The following CHD9 variants were observed in gnomAD, a reference collection of about 807,000 sequenced individuals.
The protein encoded by CHD9 is ATP-dependent chromatin remodeler CHD9.
In CHD9, 77 loss-of-function variants were observed where a neutral mutation model predicts 316.1. The observed-to-expected ratio is 0.24, with a 90% CI of 0.20 to 0.29. CHD9 has a LOEUF of 0.29. Ranked by LOEUF, CHD9 falls within the 10% of genes least tolerant of loss-of-function variation. The pLI, the probability that CHD9 is intolerant of heterozygous loss-of-function variation, is 1.00. For synonymous variants in CHD9, 1,129 were observed against 1,158.3 expected (o/e 0.97, Z 0.51); for missense variants, 2,763 against 3,438.1 (o/e 0.80, Z 4.91).
At chr16:53,274,708 T>C (rs1376005831) in intron 24 of CHD9, among the ~76,000 whole-genome samples, 1 of 152,056 alleles carries the variant, frequency 6.6e-6, no homozygotes, top group African/African-American at 2.4e-5. Flanking sequence ...TCCATCCGCC[T>C]TGGCCCCCCC....
At chr16:53,201,845 GTT>G (rs796703916) in intron 2 of CHD9, among the ~76,000 whole-genome samples, 1 of 143,168 alleles carries the variant, frequency 7.0e-6, no homozygotes. Flanking sequence ...TCAGTTTGAG[GTT>G]TTTTTTTTTG....
intron 1 of CHD9, among the ~76,000 whole-genome samples, chr16:53,152,268 C>G (rs1291185000): frequency 2.0e-5 from 3 of 152,088 alleles, no homozygotes; most frequent in Non-Finnish European, 4.4e-5. Context: ...TCCTTGAATG[C>G]TGGGAGTATT....
rs748852783 is a variant in CHD9 at position 53,304,555 on chromosome 16, T to TTCCTCCTCCTCC, written c.6555_6566dup (p.Ser2190_Ser2193dup). 419 of 1,540,616 alleles carry TTCCTCCTCCTCC rather than the reference T, an allele frequency of 2.7e-4. 1 individual carries two copies. The highest frequency in any genetic ancestry group is 4.1e-4 in the Admixed American group (21 of 50,930). On this transcript the variant is annotated inframe_insertion, in exon 31 of 39. Transcript: ENST00000447540. ...CTTCTTCATCCTCTTCCTCCACCTC[T>TTCCTCCTCCTCC]TCCTCCTCCTCCTCCTCTTCATCTT...
chr16:53,280,689 A>G (rs2053325837), intron 24 of CHD9, among the ~76,000 whole-genome samples: 1 of 152,170 alleles, frequency 6.6e-6, no homozygotes, highest in Non-Finnish European at 1.5e-5. Context: ...TTTAAAAAAA[A>G]AAAAAGAAAT....
At chr16:53,250,109 A>G in intron 17 of CHD9, 43 bp downstream of exon 17, 1 of 1,440,204 alleles carries the variant, frequency 6.9e-7, no homozygotes, top group South Asian at 1.3e-5. Context: ...TTTTTTAAAA[A>G]AGTAAAATTG....
At chr16:53,105,563 G>C (rs967625747) in intron 1 of CHD9, among the ~76,000 whole-genome samples, 1 of 152,080 alleles carries the variant, frequency 6.6e-6, no homozygotes, top group Non-Finnish European at 1.5e-5. Flanking sequence ...CCAAACTTTT[G>C]CTAATATTAA....
At chr16:53,287,747 G>A (rs1010829089) in intron 26 of CHD9, among the ~76,000 whole-genome samples, 1 of 152,078 alleles carries the variant, frequency 6.6e-6, no homozygotes, top group African/African-American at 2.4e-5. Context: ...AAAAATAAAA[G>A]TGAACTTGTG....
chr16:53,204,088 T>C lies in CHD9; in HGVS notation c.1453-5394T>C, dbSNP rs554395745. 3.5e-5 allele frequency among the ~76,000 whole-genome samples: 5 copies of C among 142,208 alleles called. No individual in the cohort carries two copies. In the East Asian group the frequency reaches 6.1e-4, roughly 17 times the overall value. The allele number at this position is 142,208 out of a possible 152,430, so 93.3% of individuals were successfully genotyped here. A position where few individuals can be genotyped will look rare whatever the true frequency, so the allele number is the denominator to read the frequency against. The stretch of plus-strand genomic sequence containing the variant: ...ACACACACACACACACACACACACA[T>C]TTATGTCAAGTAGAATGTTTCTTTA... On this transcript the variant is annotated intron_variant, in intron 2 of 38. Transcript: ENST00000447540.
chr16:53,220,058 A>G (rs1284838607), intron 3 of CHD9, among the ~76,000 whole-genome samples: 1 of 152,180 alleles, frequency 6.6e-6, no homozygotes, highest in Non-Finnish European at 1.5e-5. Context: ...GGAGATTTTT[A>G]TTTTAGGAAA....
At position 53,245,220 on chromosome 16, in the gene CHD9, T is replaced by C. The variant is rs1488290574; in HGVS notation, c.3055-116T>C. On this transcript the variant is annotated intron_variant, in intron 13 of 38. Transcript: ENST00000447540. This position sits in a 1 kb window ranked among gnomAD's most constrained non-coding sequence, Gnocchi z 4.1. ...TACACACACACACACATAACATATATATATGTATATATAGTCAGAAAAATA... is the reference window on the plus strand; with the variant it reads ...TACACACACACACACATAACATATACATATGTATATATAGTCAGAAAAATA... The C allele has an allele frequency of 3.0e-6, 2 of 672,088 alleles. No homozygotes were observed. Among genetic ancestry groups the C allele is most frequent in the Non-Finnish European group, 4.7e-6 (2 of 427,976 alleles). 41.6% of individuals were successfully genotyped at this position (672,088 alleles called of 1,614,324 possible).
intron 24 of CHD9, among the ~76,000 whole-genome samples, chr16:53,281,726 C>A (rs1433577994): frequency 6.6e-6 from 1 of 152,158 alleles, no homozygotes; most frequent in African/African-American, 2.4e-5. Flanking sequence ...GTTTTGCCAA[C>A]CTGTCAAGCT....
chr16:53,102,050 C>T (rs2036928921), intron 1 of CHD9, among the ~76,000 whole-genome samples: 1 of 152,192 alleles, frequency 6.6e-6, no homozygotes. Context: ...TACTCTCATA[C>T]TTCAGGGCTA....
At position 53,188,602 on chromosome 16, in the gene CHD9, C is replaced by CTTTTTTT. The variant is rs369979479; in HGVS notation, c.1453-20858_1453-20852dup. On this transcript the variant is annotated intron_variant, in intron 2 of 38. Coordinates refer to ENST00000447540, the MANE Select transcript of CHD9 (RefSeq NM_001308319.2). ...TTTTCATGGGCTTACTGGTCATTAC[C>CTTTTTTT]TTTTTTTTTTTTTTTTTTTTTTTTT... Among the ~76,000 whole-genome samples the CTTTTTTT allele has an allele frequency of 2.5e-4, 18 of 71,250 alleles. 4 individuals carry two copies. The highest frequency in any genetic ancestry group is 3.4e-4 in the African/African-American group (6 of 17,652). The allele number at this position is 71,250 out of a possible 152,430, so 46.7% of individuals were successfully genotyped here.
chr16:53,108,305 C>G (rs565356398), intron 1 of CHD9, among the ~76,000 whole-genome samples: 2 of 151,708 alleles, frequency 1.3e-5, no homozygotes, highest in East Asian at 3.9e-4. Context: ...AGTTTGAGAC[C>G]AGCCTGGGCA....
At chr16:53,080,085 T>G (rs1201692670) in intron 1 of CHD9, among the ~76,000 whole-genome samples, 1 of 152,270 alleles carries the variant, frequency 6.6e-6, no homozygotes, top group Middle Eastern at 3.4e-3. Flanking sequence ...GCCCTTAACC[T>G]GTGGAATCTC....
At chr16:53,285,750 C>A in intron 25 of CHD9, 51 bp downstream of exon 25, 1 of 945,106 alleles carries the variant, frequency 1.1e-6, no homozygotes, top group Non-Finnish European at 1.6e-6. Context: ...TAAGGCAGTT[C>A]TGTCAGTTCT....
intron 16 of CHD9, 132 bp from the exon 17 acceptor site, chr16:53,249,739 A>G (rs2049974449): frequency 2.8e-6 from 2 of 711,372 alleles, no homozygotes; most frequent in Non-Finnish European, 4.6e-6. Flanking sequence ...CACAGAAACT[A>G]CTTGAGATGA....
intron 1 of CHD9, among the ~76,000 whole-genome samples, chr16:53,073,644 AGTACTGT>A (rs1485521721): frequency 6.6e-6 from 1 of 152,194 alleles, no homozygotes; most frequent in Non-Finnish European, 1.5e-5. Context: ...TGGTTTCCTC[AGTACTGT>A]TCTCGTGGTA....
intron 34 of CHD9, among the ~76,000 whole-genome samples, chr16:53,312,791 G>A (rs993557995): frequency 1.3e-5 from 2 of 152,158 alleles, no homozygotes; most frequent in African/African-American, 2.4e-5. Flanking sequence ...TGAGATGGGA[G>A]GAAGGTTGTG....
Sources: gnomAD v4.1 joint callset for allele counts (sites outside exome capture counted in the v4.1 genomes callset) on GRCh38, gnomAD v4.1.1 for gene constraint, Gnocchi (gnomAD v3.1) non-coding constraint, MANE v1.5 for transcripts, NCBI Gene and HGNC (gene_info 2026-07-23, HGNC 2026-07-21) for gene names.